Variants in RGL3 observed in about 807,000 individuals in gnomAD.
RGL3 encodes the protein ral guanine nucleotide dissociation stimulator like 3, also known as ral guanine nucleotide dissociation stimulator-like 3.
Under a neutral mutation model 90.6 loss-of-function variants are expected in RGL3, and 85 were observed. The observed-to-expected ratio is 0.94, with a 90% confidence interval of 0.79 to 1.12. RGL3 has a LOEUF of 1.12. Ranked by LOEUF, RGL3 falls within the 50% of genes most tolerant of loss-of-function variation. RGL3 has a pLI of 0.00. For missense variants in RGL3, 1,034 were observed against 939.2 expected (o/e 1.10, Z -1.32); for synonymous variants, 408 against 385.5 (o/e 1.06, Z -0.68).
rs1426068364 is a variant in RGL3, at chr19:11,418,802, C to T, written c.34-18G>A. The T allele has an allele frequency of 3.9e-6, 6 of 1,531,642 alleles. No individual in the cohort carries two copies. The highest frequency in any genetic ancestry group is 2.0e-5 in the Admixed American group (1 of 50,224). 94.9% of individuals were successfully genotyped at this position (1,531,642 alleles called of 1,614,324 possible). On this transcript the variant is annotated intron_variant, in intron 1 of 18. Coordinates refer to ENST00000380456, the MANE Select transcript of RGL3 (RefSeq NM_001035223.4). ...AGCGGTGCCTGGACGCACAGGCGGACTCAGGGCACCAAAGGGGCACAGGTC... is the reference window on the plus strand; with the variant it reads ...AGCGGTGCCTGGACGCACAGGCGGATTCAGGGCACCAAAGGGGCACAGGTC...
chr19:11,399,341 T>G (rs370734614), intron 16 of RGL3, among the ~76,000 whole-genome samples: 6 of 152,010 alleles, frequency 3.9e-5, no homozygotes, highest in Admixed American at 3.9e-4. Context: ...CCGAGGTGAG[T>G]GCATTGTTTG....
chr19:11,418,631 C>G, intron 2 of RGL3, 40 bp downstream of exon 2: 1 of 1,469,972 alleles, frequency 6.8e-7, no homozygotes, highest in East Asian at 2.5e-5. Context: ...CTCAACTGGT[C>G]GCTTCCGGCC....
chr19:11,394,387 GAGGAC>G lies in RGL3; in HGVS notation c.*10_*14del, dbSNP rs767989913. ...GCCTGTGGGACTTGTGTCTTGTGGA[GAGGAC>G]AGGGCTGCCTCAGCTTGGGGAGACA... On this transcript the variant is annotated 3_prime_UTR_variant, in exon 19 of 19. Coordinates refer to ENST00000380456, the MANE Select transcript of RGL3 (RefSeq NM_001035223.4). 6.3e-7 allele frequency: 1 copy of G among 1,592,178 alleles called. No homozygotes were observed. Among genetic ancestry groups the G allele is most frequent in the Non-Finnish European group, 8.6e-7 (1 of 1,160,088 alleles).
chr19:11,406,016 G>A (rs1191166133), intron 7 of RGL3, among the ~76,000 whole-genome samples: 1 of 151,206 alleles, frequency 6.6e-6, no homozygotes, highest in Non-Finnish European at 1.5e-5. Flanking sequence ...GAGTCACTGC[G>A]CCCAGCCTGA....
chr19:11,406,436 A>G lies in RGL3; in HGVS notation c.979T>C (p.Trp327Arg). 1.9e-6 allele frequency: 3 copies of G among 1,539,904 alleles called. No homozygotes were observed. The highest frequency in any genetic ancestry group is 1.2e-5 in the South Asian group (1 of 84,074). ...APQRAQRLEK[W>R]IRIAQRCREL... The stretch of plus-strand genomic sequence containing the variant: ...CAACACACCTGGGCGATGCGGATCC[A>G]CTTCTCCAGCCGCTGCGCCCTCTGC... Residue 327 changes from tryptophan (W) to arginine (R), a missense_variant, in exon 7 of 19, where the codon TGG (tryptophan) becomes CGG (arginine). By Grantham distance (101) the Trp-to-Arg change is moderately radical. Coordinates refer to ENST00000380456, the MANE Select transcript of RGL3 (RefSeq NM_001035223.4).
intron 7 of RGL3, among the ~76,000 whole-genome samples, chr19:11,405,861 A>G (rs1458815391): frequency 6.7e-6 from 1 of 149,772 alleles, no homozygotes; most frequent in African/African-American, 2.5e-5. Flanking sequence ...ACACCCGGCT[A>G]ATTTTTTTGT....
Position 11,406,435 on chromosome 19 carries a change from C to T in RGL3, c.980G>A (p.Trp327Ter). 1.3e-6 allele frequency: 2 copies of T among 1,540,230 alleles called. No homozygotes were observed. Among genetic ancestry groups the T allele is most frequent in the Non-Finnish European group, 1.7e-6 (2 of 1,147,324 alleles). Reference sequence around the variant, plus strand: ...GCAACACACCTGGGCGATGCGGATCCACTTCTCCAGCCGCTGCGCCCTCTG... The same window carrying T: ...GCAACACACCTGGGCGATGCGGATCTACTTCTCCAGCCGCTGCGCCCTCTG... The part of the protein sequence containing the change: ...APQRAQRLEK[W>*]IRIAQRCREL... The change falls in exon 7 of 19, where the codon TGG (tryptophan) becomes TAG (stop). Residue 327 changes from tryptophan (W) to a stop codon, truncating the protein, a stop_gained. Coordinates refer to ENST00000380456, the MANE Select transcript of RGL3 (RefSeq NM_001035223.4). LOFTEE classifies it high-confidence loss of function.
rs113276820 is a variant in RGL3 at position 11,417,714 on chromosome 19, C to T, written c.148-655G>A. ...CTTGAACTCCTGACCTGATGATCCA[C>T]TTGCCTCGGCCTCCCAAAGTGCTGG... On this transcript the variant is annotated intron_variant, in intron 2 of 18. Coordinates refer to ENST00000380456, the MANE Select transcript of RGL3 (RefSeq NM_001035223.4). Among the ~76,000 whole-genome samples the T allele has an allele frequency of 9.8e-3, 1,495 of 152,244 alleles. 5 individuals carry two copies. The highest frequency in any genetic ancestry group is 0.016 in the Non-Finnish European group (1,071 of 68,010).
chr19:11,404,566 GACAACA>G (rs113866243), intron 9 of RGL3, among the ~76,000 whole-genome samples: 2 of 151,700 alleles, frequency 1.3e-5, no homozygotes, highest in African/African-American at 2.4e-5. Context: ...AAATGATGAC[GACAACA>G]ACAACAACAA....
intron 5 of RGL3, among the ~76,000 whole-genome samples, chr19:11,415,158 T>A (rs59431306): frequency 0.12 from 17,414 of 151,032 alleles, 1,197 homozygotes; most frequent in African/African-American, 0.2. Context: ...AAAATAAAAT[T>A]AAATTAAATT....
intron 4 of RGL3, 24 bp downstream of exon 4, chr19:11,416,590 C>G: frequency 6.2e-7 from 1 of 1,611,370 alleles, no homozygotes; most frequent in Non-Finnish European, 8.5e-7. Flanking sequence ...TCCCCGCACT[C>G]CCCTATCTGG....
At chr19:11,414,420 T>TATATATATATACCTTCATATATATAC (rs1568341840) in intron 5 of RGL3, among the ~76,000 whole-genome samples, 5 of 106,706 alleles carry the variant, frequency 4.7e-5, no homozygotes, top group South Asian at 5.0e-4. Context: ...TATATACCTT[T>TATATATATATACCTTCATATATATAC]ATATATATAT....
At chr19:11,405,964 A>G (rs933218614) in intron 7 of RGL3, among the ~76,000 whole-genome samples, 1 of 150,840 alleles carries the variant, frequency 6.6e-6, no homozygotes, top group African/African-American at 2.4e-5. Flanking sequence ...TCAAGGGCTC[A>G]AGCGATCCTC....
Position 11,416,663 on chromosome 19 carries a change from C to G in RGL3, c.376G>C (p.Glu126Gln). 1 of 1,614,158 alleles carries G rather than the reference C, an allele frequency of 6.2e-7. No homozygotes were observed. Among genetic ancestry groups the G allele is most frequent in the Non-Finnish European group, 8.5e-7 (1 of 1,180,028 alleles). Residue 126 changes from glutamate (E) to glutamine (Q), a missense_variant, in exon 4 of 19, where the codon GAG becomes CAG. Transcript: ENST00000380456. ...TCTTGTACCGCTGTCTTCTTGATCTCTACCCTGGGAAGAGGCCCCCCAGCA... is the reference window on the plus strand; with the variant it reads ...TCTTGTACCGCTGTCTTCTTGATCTGTACCCTGGGAAGAGGCCCCCCAGCA... ...PMPPPPPPGV[E>Q]IKKTAVQDLS...
intron 18 of RGL3, among the ~76,000 whole-genome samples, chr19:11,396,157 TA>T (rs1376674399): frequency 1.1e-3 from 79 of 72,116 alleles, no homozygotes; most frequent in African/African-American, 4.1e-3. Context: ...TATATATATA[TA>T]TTTTTTTTTT....
intron 7 of RGL3, 45 bp downstream of exon 7, chr19:11,406,374 C>T (rs1338203606): frequency 1.3e-6 from 2 of 1,503,754 alleles, no homozygotes; most frequent in Admixed American, 2.0e-5. Context: ...TTTCCCCTTG[C>T]CCCAGGGCCC....
intron 5 of RGL3, among the ~76,000 whole-genome samples, chr19:11,409,408 G>T (rs1005749966): frequency 1.3e-5 from 2 of 151,978 alleles, no homozygotes; most frequent in Non-Finnish European, 2.9e-5. Flanking sequence ...GTGAACCGGC[G>T]AGGCGGAGCT....
At chr19:11,414,642 G>A (rs1476366077) in intron 5 of RGL3, among the ~76,000 whole-genome samples, 1 of 149,370 alleles carries the variant, frequency 6.7e-6, no homozygotes, top group Non-Finnish European at 1.5e-5. Context: ...TAAGCGATGG[G>A]GATTAGGGAT....
chr19:11,398,862 G>A lies in RGL3; in HGVS notation c.1746+993C>T, dbSNP rs1568335293. 3.3e-5 allele frequency among the ~76,000 whole-genome samples: 5 copies of A among 151,294 alleles called. No homozygotes were observed. In the South Asian group the frequency reaches 1.0e-3, roughly 32 times the overall value. ...ATTTTTCTATTTTCAGTAGAGACAG[G>A]GTTTCACCACGTTGGCCAGGATGGT... On this transcript the variant is annotated intron_variant, in intron 16 of 18. Transcript: ENST00000380456.
Sources: gnomAD v4.1 joint callset for allele counts (sites outside exome capture counted in the v4.1 genomes callset) on GRCh38, gnomAD v4.1.1 for gene constraint, MANE v1.5 for transcripts, NCBI Gene and HGNC (gene_info 2026-07-23, HGNC 2026-07-21) for gene names.